TMC2: variants seen among roughly 807,000 people sequenced by gnomAD.
The protein encoded by TMC2 is transmembrane channel-like protein 2.
In TMC2, 102 loss-of-function variants were observed where a neutral mutation model predicts 105.9. That is an observed-to-expected ratio of 0.96 (90% CI 0.82 to 1.14). The LOEUF (loss-of-function observed/expected upper bound fraction) is 1.14. Ranked by LOEUF, TMC2 falls within the 50% of genes most tolerant of loss-of-function variation. TMC2 has a pLI of 0.00. For missense variants in TMC2, 1,093 were observed against 1,134.3 expected, an observed-to-expected ratio of 0.96 and a Z score of 0.52; for synonymous variants, 402 against 422.8, an observed-to-expected ratio of 0.95 and a Z score of 0.60.
rs754722719 is a variant in TMC2 at position 2,624,436 on chromosome 20, T to G, written c.2306+40T>G. Reference sequence around the variant, plus strand: ...ACCCATGGCTCCACCCCACGGAAACTTCTCCTTGAATTTGAGACTTCCTTG... The same window carrying G: ...ACCCATGGCTCCACCCCACGGAAACGTCTCCTTGAATTTGAGACTTCCTTG... On this transcript the variant is annotated intron_variant, in intron 17 of 19. Transcript: ENST00000358864. 3.1e-6 allele frequency: 5 copies of G among 1,589,338 alleles called. 1 individual carries two copies. The South Asian group carries it at 5.7e-5, about 18-fold the overall frequency.
chr20:2,610,739 C>G (rs1038887358), intron 12 of TMC2, 141 bp downstream of exon 12: 3 of 453,988 alleles, frequency 6.6e-6, no homozygotes, highest in African/African-American at 6.3e-5. Flanking sequence ...AAAAAAAACT[C>G]CTTGGACTCT....
At chr20:2,543,903 G>GATTTTTT (rs3051735) in intron 2 of TMC2, among the ~76,000 whole-genome samples, 1 of 144,184 alleles carries the variant, frequency 6.9e-6, no homozygotes, top group Non-Finnish European at 1.5e-5. Flanking sequence ...CTGCATGTCA[G>GATTTTTT]TTTTTTTTTT....
intron 7 of TMC2, among the ~76,000 whole-genome samples, chr20:2,588,152 T>C (rs1286822472): frequency 3.3e-5 from 5 of 152,032 alleles, no homozygotes; most frequent in Admixed American, 3.3e-4. Context: ...TCACAGATAT[T>C]CAAAACATGG....
intron 5 of TMC2, among the ~76,000 whole-genome samples, chr20:2,572,689 T>C (rs936950393): frequency 7.9e-5 from 12 of 152,140 alleles, no homozygotes; most frequent in Admixed American, 5.9e-4. Context: ...AGTTGTATCA[T>C]AACCTGGGCA....
chr20:2,616,990 A>G lies in TMC2; in HGVS notation c.1941-82A>G. The stretch of plus-strand genomic sequence containing the variant: ...CAGCTCGGCCTCATGCCCCTAACCC[A>G]TCCGTCCCATTTCCTTCTATCACCC... On this transcript the variant is annotated intron_variant, in intron 15 of 19. Coordinates refer to ENST00000358864, the MANE Select transcript of TMC2 (RefSeq NM_080751.3). This position sits in a 1 kb window ranked among gnomAD's most constrained non-coding sequence, Gnocchi z 4.8. 3 of 1,555,616 alleles carry G rather than the reference A, an allele frequency of 1.9e-6. No individual in the cohort carries two copies. The highest frequency in any genetic ancestry group is 3.4e-5 in the Admixed American group (2 of 58,946).
chr20:2,571,103 G>A (rs1190769905), intron 4 of TMC2, among the ~76,000 whole-genome samples: 3 of 152,248 alleles, frequency 2.0e-5, no homozygotes, highest in South Asian at 4.1e-4. Context: ...AAGAATTTAC[G>A]ACTAAGTCCT....
intron 7 of TMC2, among the ~76,000 whole-genome samples, chr20:2,580,814 A>G (rs2146199721): frequency 6.6e-6 from 1 of 152,334 alleles, no homozygotes; most frequent in African/African-American, 2.4e-5. Flanking sequence ...AGAAACAAAA[A>G]AGGGGTAATG....
chr20:2,594,988 C>A, intron 9 of TMC2, 21 bp downstream of exon 9: 12 of 1,606,536 alleles, frequency 7.5e-6, no homozygotes, highest in South Asian at 1.1e-5. Flanking sequence ...CCGTCTCATC[C>A]GCAGGCTTTG....
At chr20:2,632,304 T>C (rs1250895902) in intron 17 of TMC2, among the ~76,000 whole-genome samples, 3 of 152,204 alleles carry the variant, frequency 2.0e-5, no homozygotes, top group Non-Finnish European at 4.4e-5. Flanking sequence ...TTATTGTAGA[T>C]TTCAACTCCA....
chr20:2,610,527 C>T lies in TMC2; in HGVS notation c.1522C>T (p.Arg508Cys), dbSNP rs751701704. The change falls in exon 12 of 20, where the codon CGC becomes TGC. Residue 508 changes from arginine (R) to cysteine (C), a missense_variant. Arg to Cys is a radical substitution (Grantham distance 180). Transcript: ENST00000358864. ...CACTGGACTGAAGTGGCAGCTGGGA[C>T]GCATCTTTGCACTCTTCCTGGGGAA... ...PRTGLKWQLG[R>C]IFALFLGNLY... 80 of 1,613,650 alleles carry T rather than the reference C, an allele frequency of 5.0e-5. No homozygotes were observed. Among genetic ancestry groups the T allele is most frequent in the Non-Finnish European group, 6.1e-5 (72 of 1,179,868 alleles).
intron 17 of TMC2, among the ~76,000 whole-genome samples, chr20:2,625,958 A>G (rs2086561582): frequency 1.3e-5 from 2 of 152,222 alleles, no homozygotes; most frequent in Admixed American, 1.3e-4. Flanking sequence ...CAATATCTGA[A>G]CCACCTGGGT....
intron 14 of TMC2, chr20:2,613,869 C>T (rs935207155): frequency 2.1e-5 from 4 of 192,174 alleles, no homozygotes; most frequent in African/African-American, 4.7e-5. Flanking sequence ...CTGGCTCAGG[C>T]ACCTGTGCTG....
At position 2,561,976 on chromosome 20, in the gene TMC2, C is replaced by T; in HGVS notation, c.520C>T (p.Pro174Ser). 2 of 1,614,192 alleles carry T rather than the reference C, an allele frequency of 1.2e-6. No individual in the cohort carries two copies. Among genetic ancestry groups the T allele is most frequent in the Non-Finnish European group, 1.7e-6 (2 of 1,180,004 alleles). Reference sequence around the variant, plus strand: ...GCTCATTGCCACCATGCGGAGCAAGCCCTGGCCCATGGCGAAGAAGCTGAC... The same window carrying T: ...GCTCATTGCCACCATGCGGAGCAAGTCCTGGCCCATGGCGAAGAAGCTGAC... ...KKLIATMRSK[P>S]WPMAKKLTEL... Residue 174 changes from proline (P) to serine (S), a missense_variant, in exon 4 of 20, where the codon CCC becomes TCC. Coordinates refer to ENST00000358864, the MANE Select transcript of TMC2 (RefSeq NM_080751.3).
chr20:2,589,256 T>G (rs1331808873), intron 7 of TMC2, among the ~76,000 whole-genome samples: 1 of 122,188 alleles, frequency 8.2e-6, no homozygotes, highest in Non-Finnish European at 1.7e-5. Context: ...TTTCCAGATA[T>G]CTTCCTATTT....
chr20:2,620,217 TG>T (rs1250196660), intron 16 of TMC2, among the ~76,000 whole-genome samples: 2 of 152,212 alleles, frequency 1.3e-5, no homozygotes, highest in African/African-American at 4.8e-5. Context: ...GAAAGAGGTA[TG>T]TTGAGTAAGT....
rs1568526541 is a variant in TMC2 at position 2,617,126 on chromosome 20, GACCTCC to G, written c.1997_2002del (p.Thr666_Ser667del). ...TGGGCATTAATGTGCTGCGCCTGCT[GACCTCC>G]ATGTACTTCCAGTGCTGGGCGGTGA... On this transcript the variant is annotated inframe_deletion, in exon 16 of 20. Coordinates refer to ENST00000358864, the MANE Select transcript of TMC2 (RefSeq NM_080751.3). 5 of 1,614,080 alleles carry G rather than the reference GACCTCC, an allele frequency of 3.1e-6. No individual in the cohort carries two copies. The highest frequency in any genetic ancestry group is 4.2e-6 in the Non-Finnish European group (5 of 1,180,050).
chr20:2,629,242 C>A (rs1446056628), intron 17 of TMC2, among the ~76,000 whole-genome samples: 2 of 152,090 alleles, frequency 1.3e-5, no homozygotes, highest in Non-Finnish European at 2.9e-5. Context: ...ATTCTTAGAT[C>A]TCTTTTTTTC....
chr20:2,620,591 G>A (rs2086517866), intron 16 of TMC2, among the ~76,000 whole-genome samples: 1 of 152,130 alleles, frequency 6.6e-6, no homozygotes, highest in South Asian at 2.1e-4. Flanking sequence ...TATATCAGCG[G>A]AAACATTACC....
chr20:2,559,262 T>C (rs963996223), intron 3 of TMC2, among the ~76,000 whole-genome samples: 5 of 152,224 alleles, frequency 3.3e-5, no homozygotes, highest in African/African-American at 1.2e-4. Flanking sequence ...GCTGGAAATG[T>C]GGCACTGGTC....
Sources: gnomAD v4.1 joint callset for allele counts (sites outside exome capture counted in the v4.1 genomes callset) on GRCh38, gnomAD v4.1.1 for gene constraint, Gnocchi (gnomAD v3.1) non-coding constraint, MANE v1.5 for transcripts, NCBI Gene and HGNC (gene_info 2026-07-23, HGNC 2026-07-21) for gene names.